The following EYS variants were observed in gnomAD, a reference collection of about 807,000 sequenced individuals.
The protein encoded by EYS is EGF-like photoreceptor maintenance factor.
Under a neutral mutation model 282.1 loss-of-function variants are expected in EYS, and 250 were observed. The ratio of observed to expected loss-of-function variants is 0.89; its 90% CI spans 0.80 to 0.98. The LOEUF (loss-of-function observed/expected upper bound fraction) is 0.98. EYS is among the 50% of genes least tolerant of loss of function. The pLI is 0.00. For missense variants in EYS, 4,016 were observed against 3,709.0 expected (o/e 1.08, Z -2.15); for synonymous variants, 1,355 against 1,282.9 (o/e 1.06, Z -1.20).
At chr6:64,522,414 G>GC (rs2150526347) in intron 26 of EYS, among the ~76,000 whole-genome samples, 1 of 151,788 alleles carries the variant, frequency 6.6e-6, no homozygotes, top group African/African-American at 2.4e-5. Flanking sequence ...ACTTAAAGGG[G>GC]CAGTGGAGTG....
At position 65,169,367 on chromosome 6, in the gene EYS, G is replaced by A. The variant is rs183653110; in HGVS notation, c.2024-111640C>T. Among the ~76,000 whole-genome samples the A allele has an allele frequency of 1.2e-4, 18 of 151,392 alleles. No homozygotes were observed. The East Asian group carries it at 3.5e-3, about 30-fold the overall frequency. ...ACACAAGCAAATATGATAATTTGTG[G>A]CATTGATAAATAGTTTGCATAAATA... On this transcript the variant is annotated intron_variant, in intron 12 of 42. Coordinates refer to ENST00000503581, the MANE Select transcript of EYS (RefSeq NM_001142800.2).
At chr6:65,381,212 A>C (rs1765597247) in intron 8 of EYS, among the ~76,000 whole-genome samples, 1 of 152,182 alleles carries the variant, frequency 6.6e-6, no homozygotes, top group African/African-American at 2.4e-5. Context: ...ACTTGGGACC[A>C]ACCCAAATGC....
At chr6:65,626,506 G>T (rs1055717459) in intron 2 of EYS, among the ~76,000 whole-genome samples, 1 of 152,116 alleles carries the variant, frequency 6.6e-6, no homozygotes, top group African/African-American at 2.4e-5. Context: ...TCTATACAGG[G>T]ATAGATACAA....
chr6:65,521,500 C>T (rs770243944), intron 2 of EYS, among the ~76,000 whole-genome samples: 11 of 151,998 alleles, frequency 7.2e-5, no homozygotes, highest in Non-Finnish European at 8.8e-5. Flanking sequence ...ATAGTATATG[C>T]GTGAAGAAAT....
chr6:64,706,178 C>T (rs902381974), intron 22 of EYS, among the ~76,000 whole-genome samples: 2 of 151,918 alleles, frequency 1.3e-5, no homozygotes, highest in Non-Finnish European at 2.9e-5. Flanking sequence ...ATACTTACAG[C>T]CAACTAATCT....
At chr6:65,612,816 T>C (rs1002068655) in intron 2 of EYS, among the ~76,000 whole-genome samples, 1 of 151,722 alleles carries the variant, frequency 6.6e-6, no homozygotes, top group African/African-American at 2.4e-5. Context: ...TTTATATTAG[T>C]TGATTGGGAA....
At chr6:63,908,573 C>T (rs1773841004) in intron 35 of EYS, among the ~76,000 whole-genome samples, 1 of 152,026 alleles carries the variant, frequency 6.6e-6, no homozygotes. Context: ...GCCTCAGCCT[C>T]CTGAGTAGCT....
At chr6:64,015,170 A>G (rs1379462011) in intron 33 of EYS, among the ~76,000 whole-genome samples, 2 of 152,174 alleles carry the variant, frequency 1.3e-5, no homozygotes, top group Non-Finnish European at 2.9e-5. Flanking sequence ...GCACTCTTAC[A>G]ATAGAGATAA....
chr6:65,520,605 C>T (rs1244015620), intron 2 of EYS, among the ~76,000 whole-genome samples: 1 of 151,348 alleles, frequency 6.6e-6, no homozygotes, highest in Non-Finnish European at 1.5e-5. Flanking sequence ...CAGTCTATTC[C>T]TGATATATAC....
At chr6:64,081,353 A>T (rs2149868416) in intron 32 of EYS, among the ~76,000 whole-genome samples, 1 of 152,166 alleles carries the variant, frequency 6.6e-6, no homozygotes, top group East Asian at 1.9e-4. Context: ...TAATGCAGAG[A>T]ACTCTGGATG....
intron 35 of EYS, among the ~76,000 whole-genome samples, chr6:63,904,491 T>C (rs894910903): frequency 5.3e-5 from 8 of 152,174 alleles, no homozygotes; most frequent in African/African-American, 1.2e-4. Flanking sequence ...GGGAAAGCAG[T>C]GTCAGGCCTT....
chr6:64,574,530 G>A (rs1765821928), intron 26 of EYS, among the ~76,000 whole-genome samples: 1 of 152,098 alleles, frequency 6.6e-6, no homozygotes, highest in African/African-American at 2.4e-5. Context: ...ATGAATCATA[G>A]AGTCTCAGGG....
At chr6:64,958,955 A>G (rs933771992) in intron 14 of EYS, among the ~76,000 whole-genome samples, 2 of 152,144 alleles carry the variant, frequency 1.3e-5, no homozygotes, top group African/African-American at 4.8e-5. Context: ...CAATTATTGA[A>G]TGACTTGTAT....
intron 28 of EYS, among the ~76,000 whole-genome samples, chr6:64,390,287 C>T (rs549173769): frequency 8.5e-5 from 13 of 152,302 alleles, no homozygotes; most frequent in South Asian, 2.1e-4. Flanking sequence ...TCAAGGAGGC[C>T]GGTCTGCCTC....
At chr6:63,781,931 C>G (rs1415197736) in intron 39 of EYS, among the ~76,000 whole-genome samples, 1 of 152,072 alleles carries the variant, frequency 6.6e-6, no homozygotes, top group Non-Finnish European at 1.5e-5. Flanking sequence ...CCCATCAATA[C>G]CTAGTTTATT....
intron 26 of EYS, among the ~76,000 whole-genome samples, chr6:64,550,138 G>C (rs1765024494): frequency 6.6e-6 from 1 of 152,152 alleles, no homozygotes; most frequent in Non-Finnish European, 1.5e-5. Flanking sequence ...GTCTATCATT[G>C]TTAGACATTT....
intron 31 of EYS, among the ~76,000 whole-genome samples, chr6:64,136,250 T>C (rs149458621): frequency 4.1e-4 from 63 of 152,208 alleles, no homozygotes; most frequent in African/African-American, 1.4e-3. Context: ...TCAGGCTCCA[T>C]TTATAATCCC....
chr6:64,031,161 G>A (rs1008871024), intron 33 of EYS, among the ~76,000 whole-genome samples: 1 of 152,222 alleles, frequency 6.6e-6, no homozygotes, highest in Non-Finnish European at 1.5e-5. Flanking sequence ...TGTGGAGGGA[G>A]AAGTGTGGGC....
At chr6:65,600,468 CTATTAAG>C (rs898506731) in intron 2 of EYS, among the ~76,000 whole-genome samples, 6 of 151,948 alleles carry the variant, frequency 3.9e-5, no homozygotes, top group South Asian at 2.1e-4. Flanking sequence ...TAAATGTCAA[CTATTAAG>C]TATTATCTCT....
Sources: allele counts gnomAD v4.1 joint callset (sites outside exome capture counted in the v4.1 genomes callset), GRCh38; gene constraint gnomAD v4.1.1; transcripts MANE v1.5; gene names NCBI Gene and HGNC (gene_info 2026-07-23, HGNC 2026-07-21).